Variants in SLC39A11 observed in about 807,000 individuals in gnomAD.
SLC39A11 encodes the protein zinc transporter ZIP11.
A neutral mutation model predicts 36.1 loss-of-function variants in SLC39A11; 33 were observed. The ratio of observed to expected loss-of-function variants is 0.91; its 90% CI spans 0.69 to 1.22. The LOEUF (loss-of-function observed/expected upper bound fraction) is 1.22. Ranked by LOEUF, SLC39A11 falls within the 50% of genes most tolerant of loss-of-function variation. SLC39A11 has a pLI of 0.00. For synonymous variants in SLC39A11, 166 were observed against 170.3 expected (o/e 0.97, Z 0.20); for missense variants, 432 against 430.3 (o/e 1.00, Z -0.03).
At chr17:72,710,089 T>C (rs2073053921) in intron 7 of SLC39A11, among the ~76,000 whole-genome samples, 1 of 152,234 alleles carries the variant, frequency 6.6e-6, no homozygotes, top group African/African-American at 2.4e-5. Context: ...CCCCTGTCTC[T>C]CTTAATTTCC....
At chr17:72,779,407 AGAGT>A in intron 6 of SLC39A11, among the ~76,000 whole-genome samples, 1 of 152,280 alleles carries the variant, frequency 6.6e-6, no homozygotes, top group East Asian at 1.9e-4. Context: ...CCCGGGTGAC[AGAGT>A]GAGAGTCAGT....
At chr17:72,965,572 C>T (rs2086909880) in intron 4 of SLC39A11, among the ~76,000 whole-genome samples, 1 of 152,176 alleles carries the variant, frequency 6.6e-6, no homozygotes, top group Non-Finnish European at 1.5e-5. Context: ...GTGTTTTGAG[C>T]ACGTTTAAGG....
chr17:72,828,370 G>C (rs2078118456), intron 6 of SLC39A11, among the ~76,000 whole-genome samples: 1 of 152,228 alleles, frequency 6.6e-6, no homozygotes, highest in Admixed American at 6.5e-5. Flanking sequence ...CAGGGGAAAA[G>C]GGGACCATGA....
At chr17:72,898,005 A>T (rs932010803) in intron 5 of SLC39A11, among the ~76,000 whole-genome samples, 2 of 152,178 alleles carry the variant, frequency 1.3e-5, no homozygotes, top group Non-Finnish European at 2.9e-5. Flanking sequence ...GAAAAACCCC[A>T]GTCAGGAAGG....
At chr17:72,756,989 G>GAAA (rs34241516) in intron 6 of SLC39A11, among the ~76,000 whole-genome samples, 1 of 131,186 alleles carries the variant, frequency 7.6e-6, no homozygotes, top group Non-Finnish European at 1.6e-5. Context: ...CTCTGCTAGG[G>GAAA]AAAAAAAAAA....
chr17:72,951,261 CAA>C (rs61453793), intron 4 of SLC39A11, among the ~76,000 whole-genome samples: 47 of 86,888 alleles, frequency 5.4e-4, no homozygotes, highest in Non-Finnish European at 6.5e-4. Flanking sequence ...GACCCTGTTG[CAA>C]AAAAAAAAAA....
intron 5 of SLC39A11, among the ~76,000 whole-genome samples, chr17:72,896,546 A>G (rs1258723167): frequency 6.6e-6 from 1 of 152,060 alleles, no homozygotes; most frequent in Non-Finnish European, 1.5e-5. Context: ...TTAGTGCTGT[A>G]CCCCAACAGC....
At chr17:72,679,297 AAAGAT>A (rs2071406593) in intron 7 of SLC39A11, among the ~76,000 whole-genome samples, 1 of 152,252 alleles carries the variant, frequency 6.6e-6, no homozygotes, top group African/African-American at 2.4e-5. Flanking sequence ...AGTACAAAGA[AAAGAT>A]AAACGTTTGC....
intron 5 of SLC39A11, among the ~76,000 whole-genome samples, chr17:72,935,071 G>T (rs2084658817): frequency 6.6e-6 from 1 of 152,186 alleles, no homozygotes. Context: ...TGCCAATATT[G>T]ATAGACGTTT....
At chr17:72,984,948 A>T (rs528774156) in intron 4 of SLC39A11, among the ~76,000 whole-genome samples, 3 of 152,244 alleles carry the variant, frequency 2.0e-5, no homozygotes, top group Admixed American at 6.5e-5. Context: ...CAGCAGCAAT[A>T]ACCCTCTTAT....
chr17:72,774,113 C>T (rs116091011), intron 6 of SLC39A11, among the ~76,000 whole-genome samples: 326 of 152,294 alleles, frequency 2.1e-3, no homozygotes, highest in African/African-American at 7.2e-3. Context: ...CTGATTTCTC[C>T]AGATAAGTAG....
chr17:72,732,040 CTTTTTTT>C (rs764728558), intron 7 of SLC39A11, among the ~76,000 whole-genome samples: 458 of 33,624 alleles, frequency 0.014, 10 homozygotes, highest in East Asian at 0.12. Flanking sequence ...CTTTTCTTTT[CTTTTTTT>C]TTTTTTTTTT....
chr17:72,852,590 TGC>T (rs1482279204), intron 5 of SLC39A11, among the ~76,000 whole-genome samples: 16 of 152,302 alleles, frequency 1.1e-4, no homozygotes, highest in East Asian at 5.8e-4. Flanking sequence ...TGTGCATGTG[TGC>T]ATGTGTATGT....
At chr17:72,867,487 G>A (rs553006992) in intron 5 of SLC39A11, among the ~76,000 whole-genome samples, 2 of 152,216 alleles carry the variant, frequency 1.3e-5, no homozygotes, top group African/African-American at 2.4e-5. Context: ...GCGACTGCGT[G>A]AGCCTCCATC....
chr17:72,801,580 A>G (rs140908338), intron 6 of SLC39A11, among the ~76,000 whole-genome samples: 85 of 152,386 alleles, frequency 5.6e-4, no homozygotes, highest in Admixed American at 1.8e-3. Flanking sequence ...AATTTTGAAT[A>G]TACTAAAAGC....
chr17:73,075,006 C>A (rs2060275997), intron 3 of SLC39A11, among the ~76,000 whole-genome samples: 2 of 152,176 alleles, frequency 1.3e-5, no homozygotes, highest in African/African-American at 4.8e-5. Flanking sequence ...CAAAGAGACA[C>A]AGCAGACCCA....
chr17:72,738,337 A>G (rs1025538280), intron 6 of SLC39A11, among the ~76,000 whole-genome samples: 2 of 152,148 alleles, frequency 1.3e-5, no homozygotes, highest in Non-Finnish European at 2.9e-5. Context: ...CTCTTTGAAG[A>G]ACATTCCAGC....
intron 5 of SLC39A11, among the ~76,000 whole-genome samples, chr17:72,920,746 C>T (rs1387977909): frequency 4.1e-5 from 6 of 147,654 alleles, no homozygotes; most frequent in African/African-American, 1.2e-4. Flanking sequence ...ACACCCCATA[C>T]ACACACGCAT....
At chr17:72,796,155 G>C (rs2076888665) in intron 6 of SLC39A11, among the ~76,000 whole-genome samples, 1 of 152,156 alleles carries the variant, frequency 6.6e-6, no homozygotes, top group Non-Finnish European at 1.5e-5. Context: ...CTGAGCCTCA[G>C]GCAGCAGGAA....
Sources: allele counts gnomAD v4.1 joint callset (sites outside exome capture counted in the v4.1 genomes callset), GRCh38; gene constraint gnomAD v4.1.1; transcripts MANE v1.5; gene names NCBI Gene and HGNC (gene_info 2026-07-23, HGNC 2026-07-21).